HS3ST4: variants seen among roughly 807,000 people sequenced by gnomAD.
HS3ST4 encodes heparan sulfate glucosamine 3-O-sulfotransferase 4.
HS3ST4 carries 17 observed loss-of-function variants against 29.2 expected under a neutral mutation model. The ratio of observed to expected loss-of-function variants is 0.58; its 90% CI spans 0.40 to 0.87. The LOEUF is 0.87. HS3ST4 is among the 40% of genes least tolerant of loss of function. HS3ST4 has a pLI of 0.00. For missense variants in HS3ST4, 627 were observed against 634.5 expected, an observed-to-expected ratio of 0.99 and a Z score of 0.13; for synonymous variants, 314 against 285.7, an observed-to-expected ratio of 1.10 and a Z score of -1.00.
intron 1 of HS3ST4, among the ~76,000 whole-genome samples, chr16:25,953,141 GC>G (rs1332370448): frequency 1.3e-5 from 2 of 152,174 alleles, no homozygotes; most frequent in African/African-American, 4.8e-5. Flanking sequence ...CTGAGCCCTG[GC>G]TTGTCTCCCA....
chr16:25,889,948 C>A (rs1967991814), intron 1 of HS3ST4, among the ~76,000 whole-genome samples: 1 of 152,014 alleles, frequency 6.6e-6, no homozygotes, highest in African/African-American at 2.4e-5. Flanking sequence ...GTAAGATGTG[C>A]CTTTCGCCTT....
chr16:25,996,042 AC>A (rs2141731051), intron 1 of HS3ST4, among the ~76,000 whole-genome samples: 1 of 151,534 alleles, frequency 6.6e-6, no homozygotes, highest in South Asian at 2.1e-4. Context: ...GATAAGATGG[AC>A]CAGGAGATAA....
intron 1 of HS3ST4, among the ~76,000 whole-genome samples, chr16:25,983,772 A>T (rs1194131232): frequency 1.3e-5 from 2 of 152,184 alleles, no homozygotes. Context: ...CCAGCCTGTG[A>T]GTCAGGTTTC....
intron 1 of HS3ST4, among the ~76,000 whole-genome samples, chr16:26,039,317 A>G (rs1490325350): frequency 6.6e-6 from 1 of 152,216 alleles, no homozygotes; most frequent in Admixed American, 6.5e-5. Flanking sequence ...ATTTACATAC[A>G]TATATAGAAA....
At chr16:26,063,426 C>G (rs915434444) in intron 1 of HS3ST4, among the ~76,000 whole-genome samples, 1 of 151,898 alleles carries the variant, frequency 6.6e-6, no homozygotes, top group Non-Finnish European at 1.5e-5. Context: ...GTAGTTTACA[C>G]CTGTAATCCC....
At chr16:25,854,397 T>C (rs1967552704) in intron 1 of HS3ST4, among the ~76,000 whole-genome samples, 1 of 152,218 alleles carries the variant, frequency 6.6e-6, no homozygotes, top group Admixed American at 6.5e-5. Flanking sequence ...AATTAGCATA[T>C]AATGAGCAGT....
rs538637038 is a variant in HS3ST4, at chr16:26,044,772, G to A, written c.735-90840G>A. ...ATGCTTGGATTCTGGTAGGAAGTAG[G>A]CTGCTTGCTCAGGCAGATGTAATGT... is the stretch of plus-strand genomic sequence containing the variant. On this transcript the variant is annotated intron_variant, in intron 1 of 1. Transcript: ENST00000331351. Among the ~76,000 whole-genome samples the A allele has an allele frequency of 2.0e-4, 31 of 152,118 alleles. 1 individual carries two copies. The highest frequency in any genetic ancestry group is 3.7e-4 in the Non-Finnish European group (25 of 68,016).
At chr16:25,820,083 T>C (rs1162205066) in intron 1 of HS3ST4, among the ~76,000 whole-genome samples, 1 of 148,922 alleles carries the variant, frequency 6.7e-6, no homozygotes, top group Non-Finnish European at 1.5e-5. Context: ...ATTTAAAGTA[T>C]TTTCCTCCTC....
chr16:26,054,943 G>A (rs1161498499), intron 1 of HS3ST4, among the ~76,000 whole-genome samples: 1 of 151,988 alleles, frequency 6.6e-6, no homozygotes, highest in Non-Finnish European at 1.5e-5. Flanking sequence ...CTCTTTACTG[G>A]CCTCTGAAGT....
chr16:25,925,446 C>G (rs1429263464), intron 1 of HS3ST4, among the ~76,000 whole-genome samples: 3 of 152,092 alleles, frequency 2.0e-5, no homozygotes, highest in African/African-American at 7.2e-5. Flanking sequence ...CCAGCTCACT[C>G]CCTGCACAGA....
chr16:25,838,684 T>G lies in HS3ST4; in HGVS notation c.734+145533T>G, dbSNP rs140498154. Among the ~76,000 whole-genome samples, 657 of 152,278 alleles carry G rather than the reference T, an allele frequency of 4.3e-3. 2 individuals are homozygous for G. The highest frequency in any genetic ancestry group is 0.015 in the African/African-American group (625 of 41,554). ...AGTCTTTTCCTAGACCCGCCCACTC[T>G]TGAGATCTATAACTGGGTTTGCGTC... is the stretch of plus-strand genomic sequence containing the variant. On this transcript the variant is annotated intron_variant, in intron 1 of 1. Coordinates refer to ENST00000331351, the MANE Select transcript of HS3ST4 (RefSeq NM_006040.3).
chr16:25,716,694 G>C (rs755646323), intron 1 of HS3ST4, among the ~76,000 whole-genome samples: 4 of 152,202 alleles, frequency 2.6e-5, no homozygotes, highest in Non-Finnish European at 5.9e-5. Flanking sequence ...GAGGGTTTCA[G>C]GCAGAGCATC....
intron 1 of HS3ST4, among the ~76,000 whole-genome samples, chr16:25,737,242 G>C (rs1036504301): frequency 1.3e-5 from 2 of 152,182 alleles, no homozygotes; most frequent in African/African-American, 4.8e-5. Flanking sequence ...ATTTTGATGT[G>C]CATGCTCAGG....
At chr16:25,816,290 C>G (rs2141630948) in intron 1 of HS3ST4, among the ~76,000 whole-genome samples, 1 of 152,276 alleles carries the variant, frequency 6.6e-6, no homozygotes, top group African/African-American at 2.4e-5. Flanking sequence ...GTCCTATCTT[C>G]TAAAATCCTC....
At chr16:25,922,247 A>G (rs1267347618) in intron 1 of HS3ST4, among the ~76,000 whole-genome samples, 1 of 152,150 alleles carries the variant, frequency 6.6e-6, no homozygotes, top group Non-Finnish European at 1.5e-5. Flanking sequence ...TGGTATTAGG[A>G]GGTGGGGCCA....
intron 1 of HS3ST4, among the ~76,000 whole-genome samples, chr16:26,009,066 T>A (rs748382207): frequency 2.6e-5 from 4 of 152,226 alleles, no homozygotes; most frequent in African/African-American, 9.6e-5. Context: ...GTTATTGTCA[T>A]GTGGTCTTAG....
intron 1 of HS3ST4, among the ~76,000 whole-genome samples, chr16:25,895,999 G>T (rs1306227669): frequency 6.6e-6 from 1 of 152,146 alleles, no homozygotes; most frequent in African/African-American, 2.4e-5. Flanking sequence ...CGGCCCTGGT[G>T]AGAGACTGGT....
chr16:25,878,211 T>C (rs908397000), intron 1 of HS3ST4, among the ~76,000 whole-genome samples: 1 of 152,180 alleles, frequency 6.6e-6, no homozygotes, highest in Non-Finnish European at 1.5e-5. Flanking sequence ...AATGAGATGA[T>C]GTATGCTACC....
chr16:25,956,336 T>C (rs1219961588), intron 1 of HS3ST4, among the ~76,000 whole-genome samples: 2 of 152,194 alleles, frequency 1.3e-5, no homozygotes, highest in African/African-American at 2.4e-5. Context: ...TAGCAGCCCA[T>C]GTTGGTAACC....
Sources: gnomAD v4.1 joint callset for allele counts (sites outside exome capture counted in the v4.1 genomes callset) on GRCh38, gnomAD v4.1.1 for gene constraint, MANE v1.5 for transcripts, NCBI Gene and HGNC (gene_info 2026-07-23, HGNC 2026-07-21) for gene names.